MAPKAPK5: variants seen among roughly 807,000 people sequenced by gnomAD.
MAPKAPK5 encodes the protein MAPK activated protein kinase 5, also known as MAP kinase-activated protein kinase 5.
In MAPKAPK5, 30 loss-of-function variants were observed where a neutral mutation model predicts 65.1. The observed-to-expected ratio is 0.46, with a 90% CI of 0.34 to 0.63. MAPKAPK5 has a LOEUF of 0.63. MAPKAPK5 is among the 20% of genes least tolerant of loss of function. MAPKAPK5 has a pLI of 0.01. For missense variants in MAPKAPK5, 433 were observed against 581.4 expected (o/e 0.74, Z 2.63); for synonymous variants, 179 against 204.6 (o/e 0.87, Z 1.07).
chr12:111,863,547 C>T (rs1351086990), intron 1 of MAPKAPK5, among the ~76,000 whole-genome samples: 1 of 151,650 alleles, frequency 6.6e-6, no homozygotes, highest in Non-Finnish European at 1.5e-5. Context: ...GATTCTTGTG[C>T]TACATAGTCT....
intron 1 of MAPKAPK5, among the ~76,000 whole-genome samples, chr12:111,860,409 C>G (rs1007788056): frequency 7.2e-5 from 11 of 152,206 alleles, no homozygotes; most frequent in African/African-American, 1.2e-4. Context: ...CTTTCTATGG[C>G]TCTGTTTCAG....
At chr12:111,872,726 G>A (rs907386224) in intron 7 of MAPKAPK5, among the ~76,000 whole-genome samples, 1 of 152,114 alleles carries the variant, frequency 6.6e-6, no homozygotes, top group Admixed American at 6.6e-5. Context: ...TATTTGGCTT[G>A]TAGCCTCTTC....
In MAPKAPK5 at chr12:111,886,038, T is replaced by G; in HGVS notation, c.969+2T>G. 6.2e-7 allele frequency: 1 copy of G among 1,613,404 alleles called. No homozygotes were observed. The highest frequency in any genetic ancestry group is 8.5e-7 in the Non-Finnish European group (1 of 1,179,726). On this transcript the variant is annotated splice_donor_variant, in intron 10 of 13. Transcript: ENST00000550735. LOFTEE classifies it high-confidence loss of function. ...TCTGCTCAGCTGATGATGGACAAGG[T>G]TTTGAATGATGTTTACTTTGTTGGC...
chr12:111,879,075 G>C (rs1439715466), intron 7 of MAPKAPK5, among the ~76,000 whole-genome samples: 46 of 152,136 alleles, frequency 3.0e-4, no homozygotes, highest in Non-Finnish European at 7.3e-5. Flanking sequence ...GTTTTGACTG[G>C]GGTTGTTTTA....
At position 111,893,060 on chromosome 12, in the gene MAPKAPK5, A is replaced by G. The variant is rs1233677599; in HGVS notation, c.1415A>G (p.Ter472=). The G allele has an allele frequency of 1.4e-5, 22 of 1,566,986 alleles. No homozygotes were observed. The highest frequency in any genetic ancestry group is 1.7e-5 in the Non-Finnish European group (20 of 1,155,336). ...EEQTTSHESQ[*] Reference sequence around the variant, plus strand: ...CAAACCACGTCCCACGAATCCCAATAATGACAGCTTCAGACTTTGTTTTTT... The same window carrying G: ...CAAACCACGTCCCACGAATCCCAATGATGACAGCTTCAGACTTTGTTTTTT... Residue 472 remains the stop codon, a stop_retained_variant, in exon 14 of 14, where the codon TAA becomes TGA. Transcript: ENST00000550735.
chr12:111,890,621 T>G (rs1224707910), intron 13 of MAPKAPK5, among the ~76,000 whole-genome samples: 1 of 152,184 alleles, frequency 6.6e-6, no homozygotes, highest in Non-Finnish European at 1.5e-5. Context: ...GGTTAAGTTT[T>G]TTTCCCGAAG....
chr12:111,873,395 G>A (rs2069849165), intron 7 of MAPKAPK5, among the ~76,000 whole-genome samples: 1 of 152,092 alleles, frequency 6.6e-6, no homozygotes, highest in Non-Finnish European at 1.5e-5. Context: ...GCCTGGAGTG[G>A]TGCAATGGCG....
intron 7 of MAPKAPK5, among the ~76,000 whole-genome samples, chr12:111,877,948 TC>T (rs2070046529): frequency 6.6e-6 from 1 of 151,446 alleles, no homozygotes; most frequent in African/African-American, 2.4e-5. Context: ...TGCCTCAGCC[TC>T]CTAACTTGCT....
intron 10 of MAPKAPK5, among the ~76,000 whole-genome samples, chr12:111,886,562 G>A (rs778600795): frequency 5.3e-5 from 8 of 152,244 alleles, no homozygotes; most frequent in African/African-American, 9.6e-5. Context: ...TCGGACATGC[G>A]CTGTCCTTGA....
intron 7 of MAPKAPK5, 99 bp from the exon 8 acceptor site, chr12:111,880,348 G>A (rs2070152899): frequency 3.1e-6 from 3 of 965,090 alleles, no homozygotes; most frequent in Non-Finnish European, 5.0e-6. Context: ...CTGATTGCCA[G>A]TTGTTTACCT....
rs1761081322 is a variant in MAPKAPK5 at position 111,883,342 on chromosome 12, T to C, written c.661-239T>C. 6.6e-6 allele frequency among the ~76,000 whole-genome samples: 1 copy of C among 152,044 alleles called. No individual in the cohort carries two copies. Among genetic ancestry groups the C allele is most frequent in the Non-Finnish European group, 1.5e-5 (1 of 68,002 alleles). Reference sequence around the variant, plus strand: ...TTGCAGTGAGCTGAGATTACGCCACTGCACTCCAGCCTGGGCAACAGAGCA... The same window carrying C: ...TTGCAGTGAGCTGAGATTACGCCACCGCACTCCAGCCTGGGCAACAGAGCA... On this transcript the variant is annotated intron_variant, in intron 8 of 13. Transcript: ENST00000550735. This position sits in a 1 kb window ranked among gnomAD's most constrained non-coding sequence, Gnocchi z 4.8.
Position 111,900,369 on chromosome 12 carries a change from G to A in MAPKAPK5, c.*7308G>A, listed in dbSNP as rs1398751487. On this transcript the variant is annotated 3_prime_UTR_variant, in exon 14 of 14. Transcript: ENST00000550735. ...TGCAGCCCTGATGGCCCATGAGCTCGGGCACAACCTGGGTATTCAGCACGA... is the reference window on the plus strand; with the variant it reads ...TGCAGCCCTGATGGCCCATGAGCTCAGGCACAACCTGGGTATTCAGCACGA... The A allele has an allele frequency of 6.6e-6, 3 of 456,030 alleles. No individual in the cohort carries two copies. Among genetic ancestry groups the A allele is most frequent in the South Asian group, 1.5e-5 (1 of 64,554 alleles). The allele number at this position is 456,030 out of a possible 1,614,324, so 28.2% of individuals were successfully genotyped here. A position where few individuals can be genotyped will look rare whatever the true frequency, so the allele number is the denominator to read the frequency against.
At chr12:111,889,480 GACTT>G (rs2070527537) in intron 12 of MAPKAPK5, 1 of 167,118 alleles carries the variant, frequency 6.0e-6, no homozygotes, top group Admixed American at 5.5e-5. Flanking sequence ...TGGGCAGAGT[GACTT>G]ACACGTGGGT....
At chr12:111,889,474 C>G (rs2070527350) in intron 12 of MAPKAPK5, 2 of 167,768 alleles carry the variant, frequency 1.2e-5, no homozygotes, top group Non-Finnish European at 2.6e-5. Flanking sequence ...ATGTCATGGG[C>G]AGAGTGACTT....
At chr12:111,890,600 A>C (rs74351307) in intron 13 of MAPKAPK5, among the ~76,000 whole-genome samples, 1 of 152,156 alleles carries the variant, frequency 6.6e-6, no homozygotes, top group Non-Finnish European at 1.5e-5. Flanking sequence ...AAGTTTGCCA[A>C]ATCTACTGCT....
intron 13 of MAPKAPK5, among the ~76,000 whole-genome samples, chr12:111,891,090 TTTTTG>T (rs1220626273): frequency 2.6e-5 from 4 of 151,828 alleles, no homozygotes; most frequent in Admixed American, 6.6e-5. Flanking sequence ...TTGTTGTTGT[TTTTTG>T]TTTTGTTTTG....
chr12:111,867,475 T>G, intron 3 of MAPKAPK5, 97 bp from the exon 4 acceptor site: 2 of 784,142 alleles, frequency 2.6e-6, no homozygotes, highest in Non-Finnish European at 4.3e-6. Flanking sequence ...GTGATAAAGT[T>G]TTTATTGTAA....
In MAPKAPK5 at chr12:111,901,382, T is replaced by C. The variant is rs898959260; in HGVS notation, c.*8321T>C. 7 of 455,964 alleles carry C rather than the reference T, an allele frequency of 1.5e-5. No individual in the cohort carries two copies. Among genetic ancestry groups the C allele is most frequent in the Non-Finnish European group, 3.1e-5 (7 of 226,798 alleles). The allele number at this position is 455,964 out of a possible 1,614,324, so 28.2% of individuals were successfully genotyped here. A position where few individuals can be genotyped will look rare whatever the true frequency, so the allele number is the denominator to read the frequency against. ...GAGGTAGTGTGGACAGTGGCCCTCC[T>C]GGTAAGCTAGGTGGGACACCTTCAG... On this transcript the variant is annotated 3_prime_UTR_variant, in exon 14 of 14. Transcript: ENST00000550735.
At chr12:111,857,395 C>T (rs2069279893) in intron 1 of MAPKAPK5, among the ~76,000 whole-genome samples, 1 of 152,078 alleles carries the variant, frequency 6.6e-6, no homozygotes, top group Non-Finnish European at 1.5e-5. Flanking sequence ...GTGTGTGCCA[C>T]CATGCCTGGC....
Sources: gnomAD v4.1 joint callset for allele counts (sites outside exome capture counted in the v4.1 genomes callset) on GRCh38, gnomAD v4.1.1 for gene constraint, Gnocchi (gnomAD v3.1) non-coding constraint, MANE v1.5 for transcripts, NCBI Gene and HGNC (gene_info 2026-07-23, HGNC 2026-07-21) for gene names.